The following GOLGB1 variants were observed in gnomAD, a reference collection of about 807,000 sequenced individuals.
GOLGB1 encodes the protein golgin B1, also known as golgin subfamily B member 1.
A neutral mutation model predicts 336.9 loss-of-function variants in GOLGB1; 174 were observed. The observed-to-expected ratio is 0.52, with a 90% CI of 0.46 to 0.59. The LOEUF (loss-of-function observed/expected upper bound fraction) is 0.59, where lower values mean the gene tolerates loss of function less well. Among genes scored for constraint, GOLGB1 ranks in the 20% least tolerant of loss-of-function variants. GOLGB1 has a pLI of 0.00. For missense variants in GOLGB1, 3,331 were observed against 3,645.3 expected (o/e 0.91, Z 2.22); for synonymous variants, 1,208 against 1,289.2 (o/e 0.94, Z 1.35).
chr3:121,715,227 G>A (rs1400649180), intron 9 of GOLGB1, among the ~76,000 whole-genome samples: 5 of 143,166 alleles, frequency 3.5e-5, no homozygotes, highest in Non-Finnish European at 7.6e-5. Context: ...TTTTTGATAC[G>A]GAGTCTCCCT....
At chr3:121,686,983 C>T (rs1346086727) in intron 14 of GOLGB1, among the ~76,000 whole-genome samples, 47 of 152,068 alleles carry the variant, frequency 3.1e-4, no homozygotes, top group Admixed American at 3.0e-3. Flanking sequence ...GGATAAATTA[C>T]AGGGTCTTGG....
rs1943009296 is a variant in GOLGB1 at position 121,697,033 on chromosome 3, T to C, written c.3490A>G (p.Lys1164Glu). The C allele has an allele frequency of 1.2e-6, 2 of 1,613,948 alleles. No homozygotes were observed. The highest frequency in any genetic ancestry group is 2.7e-5 in the African/African-American group (2 of 74,922). ...PPCTGSSEHW[K>E]PELEEKILAL... The stretch of plus-strand genomic sequence containing the variant: ...AGTATCTTTTCTTCTAGTTCTGGTT[T>C]CCAGTGTTCACTACTACCTGTACAA... Residue 1164 changes from lysine (K) to glutamate (E), a missense_variant, in exon 13 of 22, where the codon AAA becomes GAA. Physicochemically the swap from Lys to Glu is moderately conservative, Grantham distance 56. Transcript: ENST00000614479.
intron 5 of GOLGB1, among the ~76,000 whole-genome samples, chr3:121,722,996 T>C (rs891866888): frequency 6.6e-6 from 1 of 152,138 alleles, no homozygotes; most frequent in Non-Finnish European, 1.5e-5. Context: ...GGCTCCCTTC[T>C]GAGACATGAA....
intron 1 of GOLGB1, among the ~76,000 whole-genome samples, chr3:121,733,465 G>A (rs920246646): frequency 1.3e-5 from 2 of 151,900 alleles, no homozygotes; most frequent in African/African-American, 2.4e-5. Flanking sequence ...GAAAACCCGA[G>A]GAAGACATAA....
chr3:121,703,987 T>C (rs577953614), intron 10 of GOLGB1, among the ~76,000 whole-genome samples: 11 of 152,042 alleles, frequency 7.2e-5, no homozygotes, highest in Non-Finnish European at 1.5e-4. Flanking sequence ...CCAGAACTAA[T>C]AAACATAATA....
intron 17 of GOLGB1, among the ~76,000 whole-genome samples, chr3:121,674,228 T>C (rs9850439): frequency 0.23 from 34,310 of 152,050 alleles, 4,169 homozygotes; most frequent in East Asian, 0.46. Flanking sequence ...CTTTCCAATC[T>C]GGATGTGCTT....
chr3:121,719,571 A>T, intron 7 of GOLGB1, 75 bp downstream of exon 7: 1 of 1,207,142 alleles, frequency 8.3e-7, no homozygotes, highest in Non-Finnish European at 1.2e-6. Flanking sequence ...GCAGTGGGTA[A>T]GGGTAGGAAA....
intron 5 of GOLGB1, among the ~76,000 whole-genome samples, chr3:121,726,579 T>C (rs1308213128): frequency 6.8e-6 from 1 of 146,058 alleles, no homozygotes; most frequent in Admixed American, 6.8e-5. Flanking sequence ...CATTGCAGTA[T>C]AGAAGATAAA....
chr3:121,696,808 T>G lies in GOLGB1; in HGVS notation c.3715A>C (p.Arg1239=). ...TCCCTTACTTGAATCTGGAGTTGCCTTAGCTGGTCTCCAATATTCTCATTT... is the reference window on the plus strand; with the variant it reads ...TCCCTTACTTGAATCTGGAGTTGCCGTAGCTGGTCTCCAATATTCTCATTT... The part of the protein sequence containing the change: ...KENENIGDQL[R]QLQIQVRESI... The change falls in exon 13 of 22, where the codon AGG becomes CGG. Residue 1239 remains arginine, a synonymous_variant. Coordinates refer to ENST00000614479, the MANE Select transcript of GOLGB1 (RefSeq NM_001366282.2). The G allele has an allele frequency of 6.2e-7, 1 of 1,614,106 alleles. No homozygotes were observed. Among genetic ancestry groups the G allele is most frequent in the Non-Finnish European group, 8.5e-7 (1 of 1,179,932 alleles).
rs192310206 is a variant in GOLGB1, at chr3:121,680,827, G to A, written c.8873+860C>T. Among the ~76,000 whole-genome samples the A allele has an allele frequency of 3.1e-3, 468 of 152,080 alleles. 3 individuals are homozygous for A. The highest frequency in any genetic ancestry group is 8.3e-3 in the Admixed American group (127 of 15,268). ...TAAAAAATTAACCCAATTAGAAAAC[G>A]GACAAAAGACATGAACAGATATTTC... On this transcript the variant is annotated intron_variant, in intron 15 of 21. Transcript: ENST00000614479.
intron 15 of GOLGB1, among the ~76,000 whole-genome samples, chr3:121,678,395 G>A (rs1451523304): frequency 6.6e-6 from 1 of 152,100 alleles, no homozygotes; most frequent in Non-Finnish European, 1.5e-5. Flanking sequence ...ATTGACAGTT[G>A]TCATTCTAAT....
Position 121,663,870 on chromosome 3 carries a change from T to C in GOLGB1, c.*610A>G, listed in dbSNP as rs139335546. The C allele has an allele frequency of 1.5e-3, 236 of 153,560 alleles. No homozygotes were observed. The highest frequency in any genetic ancestry group is 5.1e-3 in the African/African-American group (214 of 41,584). 9.5% of individuals were successfully genotyped at this position (153,560 alleles called of 1,614,324 possible). On this transcript the variant is annotated 3_prime_UTR_variant, in exon 22 of 22. Transcript: ENST00000614479. ...AGACCTGAAATTCTCCCTCCAATTA[T>C]ATCTGAAATTGGCAGGGAAGAAGAT...
chr3:121,692,235 T>G lies in GOLGB1; in HGVS notation c.7129A>C (p.Arg2377=). The change falls in exon 14 of 22, where the codon AGG becomes CGG. Residue 2377 remains arginine (R), a synonymous_variant. Coordinates refer to ENST00000614479, the MANE Select transcript of GOLGB1 (RefSeq NM_001366282.2). ...TTCATATTTATTTCTTCATGCAGCC[T>G]ACTGGTCAGTTCTCTGGAGGCCTGA... ...DLQASRELTS[R]LHEEINMKEQ... The G allele has an allele frequency of 6.2e-7, 1 of 1,600,458 alleles. No homozygotes were observed. Among genetic ancestry groups the G allele is most frequent in the South Asian group, 1.1e-5 (1 of 87,890 alleles).
In GOLGB1 at chr3:121,716,816, T is replaced by A. The variant is rs1470644661; in HGVS notation, c.1209A>T (p.Leu403=). The stretch of plus-strand genomic sequence containing the variant: ...GGAGAAGCTTTGAATTTTGATCCTT[T>A]AGAGCATCACAGGCAGACTGCAGCT... The part of the protein sequence containing the change: ...GQELQSACDA[L]KDQNSKLLQD... Residue 403 remains leucine, a synonymous_variant, in exon 9 of 22, where the codon CTA becomes CTT. Coordinates refer to ENST00000614479, the MANE Select transcript of GOLGB1 (RefSeq NM_001366282.2). The A allele has an allele frequency of 1.2e-6, 2 of 1,613,212 alleles. No homozygotes were observed. Among genetic ancestry groups the A allele is most frequent in the Admixed American group, 3.3e-5 (2 of 59,998 alleles).
At position 121,716,727 on chromosome 3, in the gene GOLGB1, A is replaced by G; in HGVS notation, c.1288+10T>C. ...AGAGATGTGGACTTCAAAAGCAATCAGCTACTGACCTTCCAGTTGCTGAAT... is the reference window on the plus strand; with the variant it reads ...AGAGATGTGGACTTCAAAAGCAATCGGCTACTGACCTTCCAGTTGCTGAAT... On this transcript the variant is annotated intron_variant, in intron 9 of 21. Transcript: ENST00000614479. 2 of 1,589,280 alleles carry G rather than the reference A, an allele frequency of 1.3e-6. No homozygotes were observed. The highest frequency in any genetic ancestry group is 1.7e-6 in the Non-Finnish European group (2 of 1,167,250).
At chr3:121,679,163 A>C (rs1023628965) in intron 15 of GOLGB1, among the ~76,000 whole-genome samples, 2 of 152,210 alleles carry the variant, frequency 1.3e-5, no homozygotes, top group Non-Finnish European at 2.9e-5. Context: ...CTAATCAGAA[A>C]ATCAGAAATA....
chr3:121,674,777 ATAGTTATTGT>A (rs1940085996), intron 17 of GOLGB1, among the ~76,000 whole-genome samples: 1 of 151,898 alleles, frequency 6.6e-6, no homozygotes, highest in African/African-American at 2.4e-5. Flanking sequence ...AAGACAAATA[ATAGTTATTGT>A]TTTAATGACT....
chr3:121,671,611 C>T (rs1369611817), intron 17 of GOLGB1, among the ~76,000 whole-genome samples: 3 of 152,166 alleles, frequency 2.0e-5, no homozygotes, highest in Non-Finnish European at 4.4e-5. Flanking sequence ...GAATATCCAT[C>T]ACCTTAAGTA....
Position 121,696,005 on chromosome 3 carries a change from A to G in GOLGB1, c.4518T>C (p.Ser1506=). ...SRKEALKENK[S]LQEELSLARG... ...TGGCCAAAGACAATTCCTCTTGGAG[A>G]CTTTTGTTTTCTTTTAGTGCTTCTT... The change falls in exon 13 of 22, where the codon AGT becomes AGC. Residue 1506 remains serine, a synonymous_variant. Transcript: ENST00000614479. The G allele has an allele frequency of 6.2e-7, 1 of 1,613,938 alleles. No individual in the cohort carries two copies. The highest frequency in any genetic ancestry group is 8.5e-7 in the Non-Finnish European group (1 of 1,179,946).
Sources: allele counts gnomAD v4.1 joint callset (sites outside exome capture counted in the v4.1 genomes callset), GRCh38; gene constraint gnomAD v4.1.1; transcripts MANE v1.5; gene names NCBI Gene and HGNC (gene_info 2026-07-23, HGNC 2026-07-21).